Variants in PCDHGB2 observed in about 807,000 individuals in gnomAD.
The protein encoded by PCDHGB2 is protocadherin gamma subfamily B, 2, also known as protocadherin gamma-B2.
PCDHGB2 carries 55 observed loss-of-function variants against 59.3 expected under a neutral mutation model. The observed-to-expected ratio is 0.93, with a 90% CI of 0.75 to 1.16. The LOEUF is 1.16. PCDHGB2 is among the 50% of genes most tolerant of loss of function. The pLI is 0.00. For missense variants in PCDHGB2, 1,228 were observed against 1,198.5 expected, an observed-to-expected ratio of 1.02 and a Z score of -0.36; for synonymous variants, 516 against 512.0, an observed-to-expected ratio of 1.01 and a Z score of -0.11.
intron 1 of PCDHGB2, chr5:141,366,537 C>A (rs1163032115): frequency 6.2e-7 from 1 of 1,614,132 alleles, no homozygotes; most frequent in African/African-American, 1.3e-5. Context: ...GCGGGTGTGC[C>A]CGCCTCGCAC....
chr5:141,399,639 C>A lies in PCDHGB2; in HGVS notation c.2421+37083C>A, dbSNP rs1405309490. On this transcript the variant is annotated intron_variant, in intron 1 of 3. Transcript: ENST00000522605. ...CACTGGCCTCTTACGTGTCCATGAG[C>A]GCGCAAAGTGGGGTGGTGTTCGCGC... 5 of 1,613,858 alleles carry A rather than the reference C, an allele frequency of 3.1e-6. No individual in the cohort carries two copies. The highest frequency in any genetic ancestry group is 3.4e-6 in the Non-Finnish European group (4 of 1,179,886).
chr5:141,422,587 CCTCA>C, intron 1 of PCDHGB2: 1 of 1,614,032 alleles, frequency 6.2e-7, no homozygotes, highest in Non-Finnish European at 8.5e-7. Context: ...TCCCGTTTTT[CCTCA>C]CTCCTCTTAC....
chr5:141,384,827 T>A lies in PCDHGB2; in HGVS notation c.2421+22271T>A, dbSNP rs182404532. ...AGAGATGCCCTCAAGCAGAGCCTCG[T>A]GGTGGCCGTCCAGGACCACGGTCAG... On this transcript the variant is annotated intron_variant, in intron 1 of 3. Transcript: ENST00000522605. The A allele has an allele frequency of 2.2e-4, 348 of 1,613,356 alleles. No individual in the cohort carries two copies. The highest frequency in any genetic ancestry group is 2.5e-4 in the Non-Finnish European group (296 of 1,179,908).
chr5:141,422,727 G>A, intron 1 of PCDHGB2: 6 of 1,606,552 alleles, frequency 3.7e-6, no homozygotes, highest in Non-Finnish European at 5.1e-6. Flanking sequence ...TCCAGGGGGT[G>A]CCTCTGTCCT....
chr5:141,394,238 T>G, intron 1 of PCDHGB2: 1 of 1,613,934 alleles, frequency 6.2e-7, no homozygotes, highest in Non-Finnish European at 8.5e-7. Context: ...TTTCCTTGAC[T>G]GCACACGACC....
At chr5:141,389,069 T>A in intron 1 of PCDHGB2, 1 of 1,614,016 alleles carries the variant, frequency 6.2e-7, no homozygotes, top group Non-Finnish European at 8.5e-7. Flanking sequence ...TATTAACTTC[T>A]TCAAGAAACA....
At chr5:141,508,434 G>A (rs2099868795) in intron 3 of PCDHGB2, among the ~76,000 whole-genome samples, 1 of 152,160 alleles carries the variant, frequency 6.6e-6, no homozygotes, top group Admixed American at 6.5e-5. Flanking sequence ...AGCTCACACA[G>A]TTCCTTAGTG....
At chr5:141,464,000 T>C (rs1045842127) in intron 1 of PCDHGB2, among the ~76,000 whole-genome samples, 15 of 152,158 alleles carry the variant, frequency 9.9e-5, no homozygotes, top group Non-Finnish European at 1.3e-4. Context: ...GTGCAGTGGC[T>C]CATGCTTGTA....
At chr5:141,427,228 T>C (rs2097002884) in intron 1 of PCDHGB2, 1 of 456,550 alleles carries the variant, frequency 2.2e-6, no homozygotes, top group South Asian at 1.5e-5. Context: ...AGTTATACCA[T>C]GAGAGTAGAA....
rs750804901 is a variant in PCDHGB2, at chr5:141,476,422, C to T, written c.2422-18385C>T. ...GAGAGGAGCTGTGTGGGACACTGCC[C>T]TCTTGCACTGTAACTCTGGAGTTGG... On this transcript the variant is annotated intron_variant, in intron 1 of 3. Transcript: ENST00000522605. The surrounding 1 kb of genome is among the most constrained non-coding windows in gnomAD (Gnocchi z 7.6). The T allele has an allele frequency of 1.7e-5, 28 of 1,614,026 alleles. No homozygotes were observed. Among genetic ancestry groups the T allele is most frequent in the East Asian group, 2.2e-5 (1 of 44,860 alleles).
chr5:141,408,176 G>C, intron 1 of PCDHGB2: 1 of 1,533,992 alleles, frequency 6.5e-7, no homozygotes, highest in South Asian at 1.2e-5. Flanking sequence ...TGGAAAAGCG[G>C]GGACCCAGCG....
At chr5:141,450,982 A>G (rs746572732) in intron 1 of PCDHGB2, among the ~76,000 whole-genome samples, 18 of 151,360 alleles carry the variant, frequency 1.2e-4, no homozygotes, top group Non-Finnish European at 1.9e-4. Context: ...GTGCCACCAC[A>G]CCCGGCTAAT....
chr5:141,377,605 C>CTCA (rs200405264), intron 1 of PCDHGB2: 6 of 140,756 alleles, frequency 4.3e-5, no homozygotes, highest in South Asian at 4.7e-4. Context: ...CTCTCTCTCT[C>CTCA]AAAAAAAAAA....
chr5:141,361,920 C>A lies in PCDHGB2; in HGVS notation c.1785C>A (p.Asp595Glu), dbSNP rs756760762. Residue 595 changes from aspartate to glutamate, a missense_variant, in exon 1 of 4, where the codon GAC becomes GAA. By Grantham distance (45) the Asp-to-Glu change is conservative. Transcript: ENST00000522605. ...TGGTGACCAAGGTGGTGGCGGTGGA[C>A]GCAGACTCAGGACACAACGCTTGGC... Reference protein sequence around the residue: ...GYLVTKVVAVDADSGHNAWLS... With the variant: ...GYLVTKVVAVEADSGHNAWLS... 3.1e-6 allele frequency: 5 copies of A among 1,607,942 alleles called. No homozygotes were observed.
At chr5:141,502,818 C>T (rs1209481886) in intron 2 of PCDHGB2, among the ~76,000 whole-genome samples, 1 of 150,836 alleles carries the variant, frequency 6.6e-6, no homozygotes, top group Non-Finnish European at 1.5e-5. Context: ...ACTGTCTTTT[C>T]CTTGGGGAAG....
At chr5:141,430,595 G>C (rs549786394) in intron 1 of PCDHGB2, 1 of 567,016 alleles carries the variant, frequency 1.8e-6, no homozygotes. Flanking sequence ...CCTTGCACGC[G>C]CCTGAAGCAC....
intron 1 of PCDHGB2, chr5:141,399,237 AGATTCTG>A: frequency 6.2e-7 from 1 of 1,614,002 alleles, no homozygotes; most frequent in South Asian, 1.1e-5. Context: ...TACATGACCA[AGATTCTG>A]GGGAAAATGG....
In PCDHGB2 at chr5:141,418,448, C is replaced by T. The variant is rs1240295197; in HGVS notation, c.2421+55892C>T. On this transcript the variant is annotated intron_variant, in intron 1 of 3. Transcript: ENST00000522605. ...TGGCAAATATCCAGAATTAGTATTG[C>T]AGAAGACTCTGGACCGAGAAACGCA... 1.9e-6 allele frequency: 3 copies of T among 1,613,850 alleles called. No homozygotes were observed. The African/African-American group carries it at 4.0e-5, about 22-fold the overall frequency.
Position 141,408,360 on chromosome 5 carries a change from A to G in PCDHGB2, c.2421+45804A>G, listed in dbSNP as rs373951875. 2.4e-5 allele frequency: 38 copies of G among 1,613,808 alleles called. No homozygotes were observed. In the African/African-American group the frequency reaches 3.7e-4, roughly 16 times the overall value. ...TCGGTGGTGGGGAACCTCGCTAAGG[A>G]TCTAGGGCTCAGTGTCCTGGATGTG... On this transcript the variant is annotated intron_variant, in intron 1 of 3. Coordinates refer to ENST00000522605, the MANE Select transcript of PCDHGB2 (RefSeq NM_018923.3).
Sources: gnomAD v4.1 joint callset for allele counts (sites outside exome capture counted in the v4.1 genomes callset) on GRCh38, gnomAD v4.1.1 for gene constraint, Gnocchi (gnomAD v3.1) non-coding constraint, MANE v1.5 for transcripts, NCBI Gene and HGNC (gene_info 2026-07-23, HGNC 2026-07-21) for gene names.